Variants in KRT82 observed in about 807,000 individuals in gnomAD.
KRT82 encodes keratin 82, also known as keratin, type II cuticular Hb2.
Under a neutral mutation model 48.0 loss-of-function variants are expected in KRT82, and 44 were observed. The ratio of observed to expected loss-of-function variants is 0.92; its 90% CI spans 0.72 to 1.18. The LOEUF (loss-of-function observed/expected upper bound fraction) is 1.18. KRT82 is among the 50% of genes most tolerant of loss of function. The pLI, the probability that KRT82 is intolerant of heterozygous loss-of-function variation, is 0.00. For synonymous variants in KRT82, 297 were observed against 278.3 expected (o/e 1.07, Z -0.67); for missense variants, 701 against 671.4 (o/e 1.04, Z -0.49).
Position 52,396,249 on chromosome 12 carries a change from G to A in KRT82, c.1069-17C>T, listed in dbSNP as rs757439385. ...TTTGCAGCGCTGTGGGAGGGGCGCA[G>A]AAAAGCATCACTGGGGGCCCTGGAG... On this transcript the variant is annotated splice_polypyrimidine_tract_variant and intron_variant, in intron 6 of 8. Transcript: ENST00000257974. 33 of 1,602,666 alleles carry A rather than the reference G, an allele frequency of 2.1e-5. No homozygotes were observed. In the Admixed American group the frequency reaches 4.6e-4, roughly 22 times the overall value.
Position 52,403,692 on chromosome 12 carries a change from C to G in KRT82, c.620+9G>C, listed in dbSNP as rs542060064. 1.9e-6 allele frequency: 3 copies of G among 1,554,790 alleles called. No individual in the cohort carries two copies. The South Asian group carries it at 3.3e-5, about 17-fold the overall frequency. On this transcript the variant is annotated intron_variant, in intron 2 of 8. Transcript: ENST00000257974. Reference sequence around the variant, plus strand: ...GTCCACCAGTGGGGTAAAAGCAGCACTGACTCACTTTTTCTTGTAGCCCTC... The same window carrying G: ...GTCCACCAGTGGGGTAAAAGCAGCAGTGACTCACTTTTTCTTGTAGCCCTC...
intron 5 of KRT82, among the ~76,000 whole-genome samples, chr12:52,399,621 G>A (rs1022956293): frequency 2.0e-5 from 3 of 152,258 alleles, no homozygotes; most frequent in Admixed American, 6.5e-5. Context: ...CCCACGCCTC[G>A]AAGCTTAGAG....
At chr12:52,405,820 A>G in intron 1 of KRT82, 47 bp downstream of exon 1, 2 of 1,551,058 alleles carry the variant, frequency 1.3e-6, no homozygotes, top group Non-Finnish European at 1.7e-6. Context: ...ACCAGACCCC[A>G]GATCTGCAGT....
chr12:52,395,290 C>T (rs979800355), intron 8 of KRT82, 95 bp from the exon 9 acceptor site: 71 of 977,022 alleles, frequency 7.3e-5, no homozygotes, highest in Middle Eastern at 3.0e-4. Flanking sequence ...CTCCCACCTC[C>T]TGCCACTCAC....
Position 52,395,417 on chromosome 12 carries a change from G to T in KRT82, c.1322-222C>A, listed in dbSNP as rs139009839. Among the ~76,000 whole-genome samples the T allele has an allele frequency of 2.9e-3, 436 of 152,230 alleles. 2 individuals are homozygous for T. The highest frequency in any genetic ancestry group is 9.8e-3 in the African/African-American group (407 of 41,540). ...TTCCCTAGAGCCTGGGCAAGGCCAGGCTGGATTCAGCTTCACCATTTCTCA... is the reference window on the plus strand; with the variant it reads ...TTCCCTAGAGCCTGGGCAAGGCCAGTCTGGATTCAGCTTCACCATTTCTCA... On this transcript the variant is annotated intron_variant, in intron 8 of 8. Coordinates refer to ENST00000257974, the MANE Select transcript of KRT82 (RefSeq NM_033033.4).
rs192977944 is a variant in KRT82, at chr12:52,395,721, A to C, written c.1321+38T>G. 230 of 1,530,872 alleles carry C rather than the reference A, an allele frequency of 1.5e-4. No individual in the cohort carries two copies. In the African/African-American group the frequency reaches 2.7e-3, roughly 18 times the overall value. The allele number at this position is 1,530,872 out of a possible 1,614,324, so 94.8% of individuals were successfully genotyped here. A position where few individuals can be genotyped will look rare whatever the true frequency, so the allele number is the denominator to read the frequency against. ...CCTGTGTTGGGGTGATCAACCCCCA[A>C]GACTCCAGAGCCAGTGGGGCATGGC... On this transcript the variant is annotated intron_variant, in intron 8 of 8. Transcript: ENST00000257974.
Position 52,403,712 on chromosome 12 carries a change from G to A in KRT82, c.609C>T (p.Gly203=), listed in dbSNP as rs1348642806. Residue 203 remains glycine (G), a synonymous_variant, in exon 2 of 9, where the codon GGC becomes GGT. Transcript: ENST00000257974. ...ELCSLQAALE[G]YKKKYEEELS... ...CAGCACTGACTCACTTTTTCTTGTA[G>A]CCCTCCAGTGCAGCCTGGAGGCTGC... The A allele has an allele frequency of 6.2e-7, 1 of 1,603,566 alleles. No homozygotes were observed. Among genetic ancestry groups the A allele is most frequent in the East Asian group, 2.2e-5 (1 of 44,782 alleles).
Position 52,396,310 on chromosome 12 carries a change from CG to C in KRT82, c.1069-79del. The C allele has an allele frequency of 1.2e-5, 16 of 1,357,770 alleles. No homozygotes were observed. The South Asian group carries it at 1.9e-4, about 16-fold the overall frequency. The allele number at this position is 1,357,770 out of a possible 1,614,324, so 84.1% of individuals were successfully genotyped here. A position where few individuals can be genotyped will look rare whatever the true frequency, so the allele number is the denominator to read the frequency against. On this transcript the variant is annotated intron_variant, in intron 6 of 8. Transcript: ENST00000257974. ...GACTCGCAGAAGAGCAGAGAGAACA[CG>C]GGGGTGGCTACGTGCCAGGCTCACA...
At chr12:52,404,004 C>A (rs991438111) in intron 1 of KRT82, 95 bp from the exon 2 acceptor site, 21 of 1,199,960 alleles carry the variant, frequency 1.8e-5, no homozygotes, top group Admixed American at 1.6e-4. Context: ...TGTCTCCCAA[C>A]ACATGGCTAC....
chr12:52,400,701 C>T, intron 3 of KRT82, 79 bp from the exon 4 acceptor site: 3 of 922,838 alleles, frequency 3.3e-6, no homozygotes, highest in African/African-American at 1.6e-5. Flanking sequence ...AGGCGTGGGG[C>T]TCACCTTTCC....
rs76579608 is a variant in KRT82 at position 52,406,037 on chromosome 12, G to A, written c.241C>T (p.Arg81Ter). The change falls in exon 1 of 9, where the codon CGA (arginine) becomes TGA (stop). Residue 81 changes from arginine (R) to a stop codon, truncating the protein, a stop_gained. Transcript: ENST00000257974. LOFTEE classifies it high-confidence loss of function. Reference sequence around the variant, plus strand: ...GAAGGCCCACAGGTGGCTCCCAGTCGGTACCCGAAGCCAGGCAGGGTACCT... The same window carrying A: ...GAAGGCCCACAGGTGGCTCCCAGTCAGTACCCGAAGCCAGGCAGGGTACCT... ...CGGTLPGFGY[R>*]LGATCGPSAC... 32 of 1,614,160 alleles carry A rather than the reference G, an allele frequency of 2.0e-5. No individual in the cohort carries two copies. The East Asian group carries it at 2.0e-4, about 10-fold the overall frequency.
In KRT82 at chr12:52,403,834, T is replaced by A. The variant is rs778127346; in HGVS notation, c.487A>T (p.Thr163Ser). 7 of 1,613,930 alleles carry A rather than the reference T, an allele frequency of 4.3e-6. No individual in the cohort carries two copies. The South Asian group carries it at 5.5e-5, about 13-fold the overall frequency. The change falls in exon 2 of 9, where the codon ACC becomes TCC. Residue 163 changes from threonine (T) to serine (S), a missense_variant. By Grantham distance (58) the Thr-to-Ser change is moderately conservative (BLOSUM62 1). Transcript: ENST00000257974. ...CCCTCGAAGATGGGCTCGATGTTGG[T>A]CTGGCAGCACCTCTGCTGCTGCATG... Reference protein sequence around the residue: ...NFMQQQRCCQTNIEPIFEGYI... With the variant: ...NFMQQQRCCQSNIEPIFEGYI...
intron 5 of KRT82, among the ~76,000 whole-genome samples, chr12:52,398,609 G>A (rs1939744411): frequency 6.6e-6 from 1 of 151,888 alleles, no homozygotes; most frequent in African/African-American, 2.4e-5. Flanking sequence ...AACCCAACAT[G>A]GCTGATGGTT....
intron 5 of KRT82, among the ~76,000 whole-genome samples, chr12:52,399,476 G>T (rs186704647): frequency 6.6e-6 from 1 of 152,314 alleles, no homozygotes; most frequent in Admixed American, 6.5e-5. Context: ...AGGCTGAGAT[G>T]ATGATATTTG....
intron 8 of KRT82, among the ~76,000 whole-genome samples, 160 bp downstream of exon 8, chr12:52,395,599 A>G (rs1437097930): frequency 6.6e-6 from 1 of 152,096 alleles, no homozygotes; most frequent in African/African-American, 2.4e-5. Context: ...AAAGATTTGG[A>G]TAGCCCTTTC....
At chr12:52,397,723 C>A (rs1480502735) in intron 5 of KRT82, among the ~76,000 whole-genome samples, 1 of 152,162 alleles carries the variant, frequency 6.6e-6, no homozygotes, top group Non-Finnish European at 1.5e-5. Flanking sequence ...TCTGCAGTTG[C>A]CTAGTAAATA....
intron 5 of KRT82, among the ~76,000 whole-genome samples, chr12:52,398,002 G>A (rs1051184425): frequency 6.6e-6 from 1 of 152,180 alleles, no homozygotes; most frequent in Non-Finnish European, 1.5e-5. Context: ...AGGCGAGATT[G>A]CACCACTCAC....
rs143478289 is a variant in KRT82, at chr12:52,394,788, G to T, written c.*187C>A. On this transcript the variant is annotated 3_prime_UTR_variant, in exon 9 of 9. Coordinates refer to ENST00000257974, the MANE Select transcript of KRT82 (RefSeq NM_033033.4). ...AGGGTCTGCACACAGGTGAGTGGAA[G>T]GTGACTCATGAGGCAAAGGAGGGGT... The T allele has an allele frequency of 2.9e-3, 1,797 of 611,458 alleles. 7 individuals are homozygous for T. Among genetic ancestry groups the T allele is most frequent in the Non-Finnish European group, 3.8e-3 (1,294 of 342,526 alleles). 37.9% of individuals were successfully genotyped at this position (611,458 alleles called of 1,614,324 possible).
intron 5 of KRT82, among the ~76,000 whole-genome samples, chr12:52,399,766 C>T (rs768706843): frequency 5.3e-5 from 8 of 152,310 alleles, no homozygotes; most frequent in African/African-American, 1.7e-4. Context: ...CTGGATTGTC[C>T]GGGGCGGGGA....
Sources: gnomAD v4.1 joint callset for allele counts (sites outside exome capture counted in the v4.1 genomes callset) on GRCh38, gnomAD v4.1.1 for gene constraint, MANE v1.5 for transcripts, NCBI Gene and HGNC (gene_info 2026-07-23, HGNC 2026-07-21) for gene names.